The following TNS3 variants were observed in gnomAD, a reference collection of about 807,000 sequenced individuals.
The protein encoded by TNS3 is tensin 3, also known as tensin-3.
Under a neutral mutation model 140.9 loss-of-function variants are expected in TNS3, and 45 were observed. The ratio of observed to expected loss-of-function variants is 0.32; its 90% CI spans 0.25 to 0.41. The LOEUF is 0.41. Ranked by LOEUF, TNS3 falls within the 10% of genes least tolerant of loss-of-function variation. The pLI, the probability that TNS3 is intolerant of heterozygous loss-of-function variation, is 1.00. For missense variants in TNS3, 1,716 were observed against 1,906.7 expected, an observed-to-expected ratio of 0.90 and a Z score of 1.86; for synonymous variants, 815 against 788.4, an observed-to-expected ratio of 1.03 and a Z score of -0.56.
intron 17 of TNS3, among the ~76,000 whole-genome samples, chr7:47,350,820 A>C (rs1445642093): frequency 1.3e-5 from 2 of 152,264 alleles, no homozygotes; most frequent in Admixed American, 6.5e-5. Flanking sequence ...GGCCACACTC[A>C]AAATGGGCTG....
At chr7:47,401,816 GCAGGACCAC>G (rs1458053169) in intron 13 of TNS3, among the ~76,000 whole-genome samples, 2 of 152,252 alleles carry the variant, frequency 1.3e-5, no homozygotes, top group African/African-American at 2.4e-5. Context: ...GAGATCAGGG[GCAGGACCAC>G]CAGGTAGTGG....
chr7:47,409,899 C>T (rs1253460022), intron 13 of TNS3, among the ~76,000 whole-genome samples: 1 of 152,126 alleles, frequency 6.6e-6, no homozygotes, highest in African/African-American at 2.4e-5. Flanking sequence ...CCTCGTGATC[C>T]GCCCACCTCA....
intron 10 of TNS3, among the ~76,000 whole-genome samples, chr7:47,419,155 T>A (rs1247237883): frequency 6.6e-6 from 1 of 152,218 alleles, no homozygotes; most frequent in Non-Finnish European, 1.5e-5. Flanking sequence ...TGCATGGACA[T>A]AAGGGTCAGA....
intron 17 of TNS3, among the ~76,000 whole-genome samples, chr7:47,362,641 A>T (rs1790400791): frequency 6.6e-6 from 1 of 152,152 alleles, no homozygotes; most frequent in Non-Finnish European, 1.5e-5. Context: ...GTCCTGGTGA[A>T]ATGAAGGTAC....
At chr7:47,370,030 T>C (rs1028710714) in intron 16 of TNS3, among the ~76,000 whole-genome samples, 1 of 152,240 alleles carries the variant, frequency 6.6e-6, no homozygotes, top group African/African-American at 2.4e-5. Flanking sequence ...TTCATAGACC[T>C]GTCTAACATT....
intron 16 of TNS3, among the ~76,000 whole-genome samples, chr7:47,391,046 T>C (rs1191433003): frequency 6.6e-6 from 1 of 152,104 alleles, no homozygotes; most frequent in African/African-American, 2.4e-5. Context: ...GATCTCACGA[T>C]CCACCACACA....
At chr7:47,441,636 G>C (rs149504391) in intron 5 of TNS3, among the ~76,000 whole-genome samples, 65 of 152,270 alleles carry the variant, frequency 4.3e-4, no homozygotes, top group African/African-American at 1.3e-3. Flanking sequence ...CGGTCATGAG[G>C]ATCCACAGTG....
In TNS3 at chr7:47,365,513, C is replaced by T. The variant is rs939291668; in HGVS notation, c.2281+2852G>A. ...GAGCAACGGCTCATGCCTGTAATCC[C>T]AGCACTTTGGGAAGCCGAGGGGGGC... On this transcript the variant is annotated intron_variant, in intron 17 of 30. Transcript: ENST00000311160. Among the ~76,000 whole-genome samples, 85 of 152,020 alleles carry T rather than the reference C, an allele frequency of 5.6e-4. 1 individual carries two copies. The highest frequency in any genetic ancestry group is 2.1e-3 in the African/African-American group (85 of 41,448).
At chr7:47,404,948 C>T (rs1793362982) in intron 13 of TNS3, among the ~76,000 whole-genome samples, 1 of 152,140 alleles carries the variant, frequency 6.6e-6, no homozygotes, top group Admixed American at 6.5e-5. Flanking sequence ...GGACAAGTTG[C>T]TGGTGACCAG....
At chr7:47,303,613 G>A in intron 21 of TNS3, 29 bp from the exon 22 acceptor site, 3 of 1,555,162 alleles carry the variant, frequency 1.9e-6, no homozygotes, top group African/African-American at 2.7e-5. Context: ...GACCAAGACA[G>A]CATGTAAGGT....
At position 47,576,956 on chromosome 7, in the gene TNS3, C is replaced by T. The variant is rs925878006; in HGVS notation, c.-265+5095G>A. Among the ~76,000 whole-genome samples the T allele has an allele frequency of 9.8e-5, 15 of 152,358 alleles. No individual in the cohort carries two copies. The East Asian group carries it at 2.7e-3, about 27-fold the overall frequency. Reference sequence around the variant, plus strand: ...CCGAGGACTTTCTTTCTTTCAGTATCGCCACGAGTGTATTCCAGTGTATTC... The same window carrying T: ...CCGAGGACTTTCTTTCTTTCAGTATTGCCACGAGTGTATTCCAGTGTATTC... On this transcript the variant is annotated intron_variant, in intron 1 of 30. Coordinates refer to ENST00000311160, the MANE Select transcript of TNS3 (RefSeq NM_022748.12).
chr7:47,280,036 T>C (rs1258232840), intron 30 of TNS3, 128 bp downstream of exon 30: 35 of 1,164,358 alleles, frequency 3.0e-5, no homozygotes, highest in Non-Finnish European at 3.5e-5. Flanking sequence ...TTTTTTCTTT[T>C]TTAAAAGAAA....
chr7:47,560,985 T>C (rs185484938), intron 1 of TNS3, among the ~76,000 whole-genome samples: 15 of 152,332 alleles, frequency 9.8e-5, no homozygotes, highest in Admixed American at 8.5e-4. Flanking sequence ...CCCAGGGATT[T>C]TCAGGTGTGA....
At chr7:47,329,599 T>A (rs1788219641) in intron 20 of TNS3, among the ~76,000 whole-genome samples, 1 of 152,156 alleles carries the variant, frequency 6.6e-6, no homozygotes, top group Admixed American at 6.5e-5. Context: ...AGGCATTTCC[T>A]CCCTGGTTGT....
intron 20 of TNS3, among the ~76,000 whole-genome samples, chr7:47,331,306 G>A (rs1419291318): frequency 2.6e-5 from 4 of 152,126 alleles, no homozygotes; most frequent in Non-Finnish European, 4.4e-5. Context: ...AGCTTTATTC[G>A]AATGTACTTG....
chr7:47,446,713 T>TTTTTTTTTTTA (rs1795756728), intron 4 of TNS3, among the ~76,000 whole-genome samples: 1 of 140,252 alleles, frequency 7.1e-6, no homozygotes, highest in Non-Finnish European at 1.6e-5. Context: ...TTTTTTTTTT[T>TTTTTTTTTTTA]GAGTCTCACT....
chr7:47,297,040 T>C (rs1786065182), intron 24 of TNS3, 42 bp downstream of exon 24: 1 of 1,594,896 alleles, frequency 6.3e-7, no homozygotes, highest in Admixed American at 1.8e-5. Flanking sequence ...AGAGTTTCTC[T>C]GTGGATGAGC....
At chr7:47,502,581 G>A (rs1413527928) in intron 3 of TNS3, among the ~76,000 whole-genome samples, 2 of 152,236 alleles carry the variant, frequency 1.3e-5, no homozygotes, top group African/African-American at 2.4e-5. Context: ...GGCAGCAGGC[G>A]ATGAGGGCAG....
intron 1 of TNS3, among the ~76,000 whole-genome samples, chr7:47,552,543 T>C (rs1452278404): frequency 2.0e-5 from 3 of 152,146 alleles, no homozygotes; most frequent in Non-Finnish European, 4.4e-5. Flanking sequence ...ACTTTTTCAT[T>C]ATTATTATAT....
Sources: gnomAD v4.1 joint callset for allele counts (sites outside exome capture counted in the v4.1 genomes callset) on GRCh38, gnomAD v4.1.1 for gene constraint, MANE v1.5 for transcripts, NCBI Gene and HGNC (gene_info 2026-07-23, HGNC 2026-07-21) for gene names.